RASGRF2: variants seen among roughly 807,000 people sequenced by gnomAD.
The protein encoded by RASGRF2 is ras-specific guanine nucleotide-releasing factor 2.
Under a neutral mutation model 151.0 loss-of-function variants are expected in RASGRF2, and 76 were observed. The ratio of observed to expected loss-of-function variants is 0.50; its 90% confidence interval spans 0.42 to 0.61. The LOEUF is 0.61. Among genes scored for constraint, RASGRF2 ranks in the 20% least tolerant of loss-of-function variants. RASGRF2 has a pLI of 0.00. For synonymous variants in RASGRF2, 504 were observed against 566.5 expected, an observed-to-expected ratio of 0.89 and a Z score of 1.57; for missense variants, 1,148 against 1,564.6, an observed-to-expected ratio of 0.73 and a Z score of 4.49.
rs973520766 is a variant in RASGRF2 at position 81,227,917 on chromosome 5, A to C, written c.*2147A>C. On this transcript the variant is annotated 3_prime_UTR_variant, in exon 27 of 27. Coordinates refer to ENST00000265080, the MANE Select transcript of RASGRF2 (RefSeq NM_006909.3). ...CAAATGTTCCAGAGACACTGCAGCC[A>C]TTCTTATTAACAAAAAATAAGACAG... 6.6e-6 allele frequency: 1 copy of C among 152,194 alleles called. No homozygotes were observed. Among genetic ancestry groups the C allele is most frequent in the South Asian group, 2.1e-4 (1 of 4,832 alleles). The allele number at this position is 152,194 out of a possible 1,614,324, so 9.4% of individuals were successfully genotyped here.
At chr5:81,070,369 T>C in intron 3 of RASGRF2, 123 bp from the exon 4 acceptor site, 1 of 728,108 alleles carries the variant, frequency 1.4e-6, no homozygotes, top group South Asian at 1.6e-5. Flanking sequence ...GAAGAGAGTG[T>C]GCATAAAAAG....
At chr5:81,023,377 G>C (rs1749897867) in intron 1 of RASGRF2, among the ~76,000 whole-genome samples, 1 of 152,200 alleles carries the variant, frequency 6.6e-6, no homozygotes, top group African/African-American at 2.4e-5. Context: ...ATTAGGACAG[G>C]TGAAAGGTTA....
chr5:81,115,927 C>A (rs1176991137), intron 15 of RASGRF2, among the ~76,000 whole-genome samples: 1 of 152,054 alleles, frequency 6.6e-6, no homozygotes, highest in African/African-American at 2.4e-5. Flanking sequence ...GAGATCACAT[C>A]TGGTTGAGCA....
intron 1 of RASGRF2, among the ~76,000 whole-genome samples, chr5:80,981,402 G>A (rs1748294643): frequency 6.6e-6 from 1 of 152,128 alleles, no homozygotes; most frequent in Non-Finnish European, 1.5e-5. Context: ...CTTAAAGAGT[G>A]TTCTCAGTGG....
At chr5:81,213,411 G>A (rs967130503) in intron 23 of RASGRF2, among the ~76,000 whole-genome samples, 1 of 152,188 alleles carries the variant, frequency 6.6e-6, no homozygotes, top group Non-Finnish European at 1.5e-5. Context: ...TGGTGCCAGA[G>A]AATAGAAGGG....
chr5:81,136,566 C>T (rs1753758829), intron 17 of RASGRF2, among the ~76,000 whole-genome samples: 1 of 152,114 alleles, frequency 6.6e-6, no homozygotes. Flanking sequence ...CTTTAGTTTG[C>T]TGCAGTTTGA....
At chr5:81,034,770 A>G in intron 1 of RASGRF2, among the ~76,000 whole-genome samples, 1 of 131,548 alleles carries the variant, frequency 7.6e-6, no homozygotes, top group African/African-American at 3.0e-5. Flanking sequence ...GGACACAGGA[A>G]GGGGAACATC....
At chr5:81,162,786 G>C (rs1754417377) in intron 17 of RASGRF2, among the ~76,000 whole-genome samples, 1 of 152,300 alleles carries the variant, frequency 6.6e-6, no homozygotes, top group South Asian at 2.1e-4. Flanking sequence ...CTGAGCACTG[G>C]GTGTTTGTCA....
In RASGRF2 at chr5:81,229,780, A is replaced by T. The variant is rs1477094196; in HGVS notation, c.*4010A>T. On this transcript the variant is annotated 3_prime_UTR_variant, in exon 27 of 27. Coordinates refer to ENST00000265080, the MANE Select transcript of RASGRF2 (RefSeq NM_006909.3). The stretch of plus-strand genomic sequence containing the variant: ...ACTGGAAAACCTTAGGCTGGTGTTT[A>T]CACATCCCTGAGCCTCAGTTTCCTC... 1 of 152,216 alleles carries T rather than the reference A, an allele frequency of 6.6e-6. No individual in the cohort carries two copies. The highest frequency in any genetic ancestry group is 2.4e-5 in the African/African-American group (1 of 41,442). 9.4% of individuals were successfully genotyped at this position (152,216 alleles called of 1,614,324 possible).
chr5:81,003,180 C>T (rs971538024), intron 1 of RASGRF2, among the ~76,000 whole-genome samples: 10 of 150,396 alleles, frequency 6.6e-5, no homozygotes, highest in Admixed American at 5.3e-4. Context: ...CTCAGCCTCC[C>T]GAGTAGCGGG....
chr5:81,137,817 A>AT (rs945424223), intron 17 of RASGRF2, among the ~76,000 whole-genome samples: 1 of 152,230 alleles, frequency 6.6e-6, no homozygotes, highest in Admixed American at 6.5e-5. Flanking sequence ...GTATTTTATT[A>AT]TGGCAGCCTG....
intron 18 of RASGRF2, among the ~76,000 whole-genome samples, chr5:81,186,641 C>T (rs1307237197): frequency 6.6e-6 from 1 of 152,132 alleles, no homozygotes; most frequent in Non-Finnish European, 1.5e-5. Context: ...ACTGTCATAA[C>T]ACAATTAACA....
Position 81,086,969 on chromosome 5 carries a change from A to G in RASGRF2, c.1390+16A>G. On this transcript the variant is annotated intron_variant, in intron 9 of 26. Coordinates refer to ENST00000265080, the MANE Select transcript of RASGRF2 (RefSeq NM_006909.3). ...ATCCGCCAAGGTAAGTCCCTGTGAA[A>G]TGGACCCGCGACCTGATGCGCTGTG... 6.3e-7 allele frequency: 1 copy of G among 1,595,576 alleles called. No individual in the cohort carries two copies.
At chr5:81,064,140 C>T (rs866721407) in intron 2 of RASGRF2, among the ~76,000 whole-genome samples, 1 of 152,214 alleles carries the variant, frequency 6.6e-6, no homozygotes, top group Non-Finnish European at 1.5e-5. Context: ...TCTGAATGCA[C>T]AACTGGGGAA....
At chr5:81,109,331 A>G (rs1030226514) in intron 13 of RASGRF2, among the ~76,000 whole-genome samples, 3 of 152,236 alleles carry the variant, frequency 2.0e-5, no homozygotes, top group Non-Finnish European at 4.4e-5. Flanking sequence ...CACTCAGGAC[A>G]AAATCCTAAG....
At chr5:81,217,614 C>T (rs759068227) in intron 25 of RASGRF2, 141 bp downstream of exon 25, 33 of 662,210 alleles carry the variant, frequency 5.0e-5, no homozygotes, top group Non-Finnish European at 6.6e-5. Flanking sequence ...CAATCTCAGT[C>T]TATCGCCCAG....
chr5:81,026,354 T>A (rs1248866542), intron 1 of RASGRF2, among the ~76,000 whole-genome samples: 1 of 152,026 alleles, frequency 6.6e-6, no homozygotes, highest in Non-Finnish European at 1.5e-5. Flanking sequence ...GTGGTCTCCC[T>A]AGGGCCAAGA....
intron 1 of RASGRF2, chr5:80,997,942 C>T (rs1748941892): frequency 1.4e-5 from 2 of 143,474 alleles, no homozygotes; most frequent in African/African-American, 2.6e-5. Context: ...GCACTCCAGC[C>T]TGGGAGACAG....
rs374990369 is a variant in RASGRF2, at chr5:81,062,907, G to C, written c.396-5125G>C. Among the ~76,000 whole-genome samples, 44 of 152,110 alleles carry C rather than the reference G, an allele frequency of 2.9e-4. No homozygotes were observed. In the South Asian group the frequency reaches 8.5e-3, roughly 29 times the overall value. On this transcript the variant is annotated intron_variant, in intron 2 of 26. Coordinates refer to ENST00000265080, the MANE Select transcript of RASGRF2 (RefSeq NM_006909.3). ...TAGTAAGTTTTTCCTGTCTTGTCCTGGTACTTGGTCAGTGATTGGTTGTCT... is the reference window on the plus strand; with the variant it reads ...TAGTAAGTTTTTCCTGTCTTGTCCTCGTACTTGGTCAGTGATTGGTTGTCT...
Sources: allele counts gnomAD v4.1 joint callset (sites outside exome capture counted in the v4.1 genomes callset), GRCh38; gene constraint gnomAD v4.1.1; transcripts MANE v1.5; gene names NCBI Gene and HGNC (gene_info 2026-07-23, HGNC 2026-07-21).